The following ITSN1 variants were observed in gnomAD, a reference collection of about 807,000 sequenced individuals.
ITSN1 encodes intersectin-1.
Under a neutral mutation model 239.8 loss-of-function variants are expected in ITSN1, and 58 were observed. The observed-to-expected ratio is 0.24, with a 90% CI of 0.20 to 0.30. ITSN1 has a LOEUF of 0.30. ITSN1 is among the 10% of genes least tolerant of loss of function. The pLI, the probability that ITSN1 is intolerant of heterozygous loss-of-function variation, is 1.00. For missense variants in ITSN1, 1,558 were observed against 2,103.3 expected, an observed-to-expected ratio of 0.74 and a Z score of 5.07; for synonymous variants, 780 against 770.8, an observed-to-expected ratio of 1.01 and a Z score of -0.20.
intron 29 of ITSN1, among the ~76,000 whole-genome samples, chr21:33,850,449 G>A (rs2075124167): frequency 6.6e-6 from 1 of 152,136 alleles, no homozygotes; most frequent in Non-Finnish European, 1.5e-5. Context: ...CGCATCTTGA[G>A]GATTTGCAAC....
At chr21:33,654,087 AC>A (rs1307185111) in intron 1 of ITSN1, among the ~76,000 whole-genome samples, 1 of 150,342 alleles carries the variant, frequency 6.7e-6, no homozygotes, top group Non-Finnish European at 1.5e-5. Context: ...TCACTCTGTC[AC>A]CCAGGCTGAG....
Position 33,722,579 on chromosome 21 carries a change from A to G in ITSN1, c.122-9A>G. The G allele has an allele frequency of 6.9e-7, 1 of 1,454,498 alleles. No individual in the cohort carries two copies. Among genetic ancestry groups the G allele is most frequent in the South Asian group, 1.5e-5 (1 of 64,598 alleles). The allele number at this position is 1,454,498 out of a possible 1,614,324, so 90.1% of individuals were successfully genotyped here. ...TTTTTTCCTGAAACTTTTTCTGTTT[A>G]ATTTACAGGTGATCAAGCTAGAAAC... is the stretch of plus-strand genomic sequence containing the variant. On this transcript the variant is annotated splice_polypyrimidine_tract_variant and intron_variant, in intron 3 of 39. Transcript: ENST00000381318.
At chr21:33,729,111 C>T (rs1181324653) in intron 4 of ITSN1, among the ~76,000 whole-genome samples, 1 of 152,184 alleles carries the variant, frequency 6.6e-6, no homozygotes, top group African/African-American at 2.4e-5. Flanking sequence ...CATCCTGTAA[C>T]ACACACAAAG....
intron 19 of ITSN1, among the ~76,000 whole-genome samples, chr21:33,801,785 A>G (rs910812522): frequency 3.9e-5 from 6 of 152,226 alleles, no homozygotes; most frequent in African/African-American, 1.4e-4. Flanking sequence ...GCTGGGTGCC[A>G]GCCTTACTCA....
intron 1 of ITSN1, among the ~76,000 whole-genome samples, chr21:33,717,034 C>A (rs935456582): frequency 1.3e-5 from 2 of 151,418 alleles, no homozygotes; most frequent in Non-Finnish European, 2.9e-5. Context: ...GAACAGAGAA[C>A]AAGAAAGTGC....
At chr21:33,651,881 C>T (rs1355638638) in intron 1 of ITSN1, among the ~76,000 whole-genome samples, 6 of 152,186 alleles carry the variant, frequency 3.9e-5, no homozygotes, top group Admixed American at 2.6e-4. Flanking sequence ...TTTTAAACCA[C>T]AGTCATTATC....
intron 39 of ITSN1, 151 bp downstream of exon 39, chr21:33,886,611 C>T (rs1985841636): frequency 1.4e-6 from 1 of 689,812 alleles, no homozygotes; most frequent in Non-Finnish European, 2.4e-6. Flanking sequence ...GGCTCTGTCT[C>T]CCCTGGAGGA....
At chr21:33,714,846 G>A (rs568647897) in intron 1 of ITSN1, among the ~76,000 whole-genome samples, 1 of 152,182 alleles carries the variant, frequency 6.6e-6, no homozygotes, top group African/African-American at 2.4e-5. Flanking sequence ...GAAAATATTA[G>A]CAAATCAAAC....
intron 26 of ITSN1, chr21:33,828,943 CA>C (rs1474347216): frequency 6.4e-6 from 3 of 470,974 alleles, no homozygotes; most frequent in African/African-American, 6.0e-5. Context: ...ATTGTTTTTG[CA>C]TAAAGTTCCC....
intron 1 of ITSN1, among the ~76,000 whole-genome samples, chr21:33,647,469 C>T (rs560555456): frequency 3.3e-5 from 5 of 151,422 alleles, no homozygotes; most frequent in Admixed American, 6.6e-5. Context: ...AATAATATTC[C>T]GTTTTATGGA....
At chr21:33,871,503 G>T (rs535649062) in intron 33 of ITSN1, among the ~76,000 whole-genome samples, 16 of 152,126 alleles carry the variant, frequency 1.1e-4, no homozygotes, top group African/African-American at 3.6e-4. Context: ...CAGCACTTTG[G>T]GAGGCCGAGG....
Position 33,765,981 on chromosome 21 carries a change from C to G in ITSN1, c.895C>G (p.Leu299Val). The G allele has an allele frequency of 6.2e-7, 1 of 1,614,186 alleles. No homozygotes were observed. Among genetic ancestry groups the G allele is most frequent in the East Asian group, 2.2e-5 (1 of 44,876 alleles). ...GTCTGGCCAACCACTGCCACCTGTC[C>G]TGCCTCCAGAATACATTCCACCTTC... ...AMSGQPLPPV[L>V]PPEYIPPSFR... The change falls in exon 10 of 40, where the codon CTG (leucine) becomes GTG (valine). Residue 299 changes from leucine (L) to valine (V), a missense_variant. Around this residue, in one of 2 missense-constraint regions of ITSN1, gnomAD observed 982 missense variants for 1,209.9 expected, o/e 0.81. Coordinates refer to ENST00000381318, the MANE Select transcript of ITSN1 (RefSeq NM_003024.3).
intron 1 of ITSN1, among the ~76,000 whole-genome samples, chr21:33,694,176 G>C (rs992623470): frequency 6.6e-5 from 10 of 152,048 alleles, no homozygotes; most frequent in Admixed American, 6.5e-4. Context: ...CCCATACCTA[G>C]CTAATGTTTT....
rs906627923 is a variant in ITSN1, at chr21:33,794,424, A to G, written c.1908A>G (p.Glu636=). 1.9e-6 allele frequency: 3 copies of G among 1,613,730 alleles called. No homozygotes were observed. The highest frequency in any genetic ancestry group is 2.7e-5 in the African/African-American group (2 of 74,890). ...EAERLKQKEQ[E]RKIIELEKQK... ...AACGACTGAAACAGAAAGAACAAGA[A>G]CGAAAGATCATAGAATTAGAAAAAC... Residue 636 remains glutamate, a synonymous_variant, in exon 17 of 40, where the codon GAA becomes GAG. Coordinates refer to ENST00000381318, the MANE Select transcript of ITSN1 (RefSeq NM_003024.3).
At chr21:33,872,124 G>A (rs1982852352) in intron 33 of ITSN1, among the ~76,000 whole-genome samples, 1 of 152,198 alleles carries the variant, frequency 6.6e-6, no homozygotes, top group Non-Finnish European at 1.5e-5. Flanking sequence ...CTTGCCAGAT[G>A]AGCGTATATT....
At chr21:33,833,545 A>G (rs969710473) in intron 27 of ITSN1, among the ~76,000 whole-genome samples, 23 of 152,248 alleles carry the variant, frequency 1.5e-4, no homozygotes, top group African/African-American at 5.5e-4. Flanking sequence ...AATTGTGTGC[A>G]TAAATGCACA....
chr21:33,659,161 A>G (rs1328451566), intron 1 of ITSN1, among the ~76,000 whole-genome samples: 1 of 152,216 alleles, frequency 6.6e-6, no homozygotes, highest in African/African-American at 2.4e-5. Flanking sequence ...TGCAAACGAA[A>G]GCCCTGGAAC....
At chr21:33,869,575 C>T (rs905140431) in intron 33 of ITSN1, among the ~76,000 whole-genome samples, 6 of 152,130 alleles carry the variant, frequency 3.9e-5, no homozygotes, top group African/African-American at 9.7e-5. Flanking sequence ...TTGAGAAAGC[C>T]GATACCAAAA....
intron 4 of ITSN1, among the ~76,000 whole-genome samples, chr21:33,729,547 T>C (rs971779088): frequency 6.6e-6 from 1 of 152,078 alleles, no homozygotes; most frequent in South Asian, 2.1e-4. Flanking sequence ...GGAGTTTATT[T>C]TGCTAAAGTT....
Sources: allele counts gnomAD v4.1 joint callset (sites outside exome capture counted in the v4.1 genomes callset), GRCh38; gene constraint gnomAD v4.1.1; regional missense constraint gnomAD v4.1.1; transcripts MANE v1.5; gene names NCBI Gene and HGNC (gene_info 2026-07-23, HGNC 2026-07-21).